The following SEMA3A variants were observed in gnomAD, a reference collection of about 807,000 sequenced individuals.
The protein encoded by SEMA3A is semaphorin 3A, also known as semaphorin-3A.
A neutral mutation model predicts 97.9 loss-of-function variants in SEMA3A; 29 were observed. That is an observed-to-expected ratio of 0.30 (90% confidence interval 0.22 to 0.40). The LOEUF (loss-of-function observed/expected upper bound fraction) is 0.40. Among genes scored for constraint, SEMA3A ranks in the 10% least tolerant of loss-of-function variants. The pLI, the probability that SEMA3A is intolerant of heterozygous loss-of-function variation, is 1.00. For missense variants in SEMA3A, 763 were observed against 951.3 expected (o/e 0.80, Z 2.60); for synonymous variants, 321 against 323.7 (o/e 0.99, Z 0.09).
chr7:84,461,261 C>G (rs564755018), intron 1 of SEMA3A, among the ~76,000 whole-genome samples: 1 of 152,150 alleles, frequency 6.6e-6, no homozygotes, highest in Non-Finnish European at 1.5e-5. Flanking sequence ...CAGTCATTTA[C>G]ATCCTTAATT....
intron 16 of SEMA3A, among the ~76,000 whole-genome samples, chr7:83,962,666 G>A (rs1788517881): frequency 6.6e-6 from 1 of 152,008 alleles, no homozygotes; most frequent in East Asian, 1.9e-4. Flanking sequence ...TACTCTTATG[G>A]AATTATAAAT....
At chr7:84,272,960 T>A (rs1800189854) in intron 3 of SEMA3A, among the ~76,000 whole-genome samples, 1 of 152,126 alleles carries the variant, frequency 6.6e-6, no homozygotes, top group Non-Finnish European at 1.5e-5. Flanking sequence ...AATATATCTA[T>A]CTTCTTTTAA....
intron 4 of SEMA3A, among the ~76,000 whole-genome samples, chr7:84,083,762 T>C (rs934252265): frequency 1.3e-5 from 2 of 152,090 alleles, no homozygotes; most frequent in Admixed American, 1.3e-4. Context: ...TATCTTAACA[T>C]TTTATATAAT....
At chr7:84,369,511 A>G (rs1370886710) in intron 2 of SEMA3A, among the ~76,000 whole-genome samples, 4 of 151,238 alleles carry the variant, frequency 2.6e-5, no homozygotes, top group Non-Finnish European at 5.9e-5. Context: ...GTACGAAAGA[A>G]GAATCTAGTC....
At chr7:84,139,720 T>A (rs1796244781) in intron 1 of SEMA3A, among the ~76,000 whole-genome samples, 1 of 152,182 alleles carries the variant, frequency 6.6e-6, no homozygotes, top group Middle Eastern at 3.4e-3. Context: ...TGTACTCTCT[T>A]GTGATGTAGT....
chr7:84,283,897 A>T (rs1182498985), intron 3 of SEMA3A, among the ~76,000 whole-genome samples: 1 of 152,118 alleles, frequency 6.6e-6, no homozygotes, highest in Admixed American at 6.6e-5. Context: ...GAATAAAATA[A>T]ATTAAATTTA....
At chr7:84,424,648 T>A (rs1252505484) in intron 1 of SEMA3A, among the ~76,000 whole-genome samples, 1 of 94,782 alleles carries the variant, frequency 1.1e-5, no homozygotes, top group African/African-American at 4.3e-5. Context: ...ATATATTATA[T>A]TTATATATTA....
chr7:84,291,681 TAGA>T (rs1800750964), intron 3 of SEMA3A, among the ~76,000 whole-genome samples: 1 of 152,128 alleles, frequency 6.6e-6, no homozygotes, highest in South Asian at 2.1e-4. Flanking sequence ...AGAAATATAA[TAGA>T]AGATGATTTT....
chr7:83,976,432 A>G (rs1303490676), intron 15 of SEMA3A, among the ~76,000 whole-genome samples: 1 of 152,112 alleles, frequency 6.6e-6, no homozygotes, highest in African/African-American at 2.4e-5. Flanking sequence ...CAGCAGAGGG[A>G]AGCATAACCT....
intron 2 of SEMA3A, among the ~76,000 whole-genome samples, chr7:84,318,588 C>T (rs1562901304): frequency 6.6e-6 from 1 of 152,090 alleles, no homozygotes; most frequent in Non-Finnish European, 1.5e-5. Flanking sequence ...TCCCAAAGTG[C>T]TGGGATTACA....
intron 2 of SEMA3A, among the ~76,000 whole-genome samples, chr7:84,355,109 A>G (rs939310772): frequency 6.6e-6 from 1 of 151,822 alleles, no homozygotes; most frequent in Non-Finnish European, 1.5e-5. Flanking sequence ...TGTTCATAAT[A>G]TGAGAGTAAA....
chr7:84,431,675 G>A (rs1297670261), intron 1 of SEMA3A, among the ~76,000 whole-genome samples: 1 of 151,464 alleles, frequency 6.6e-6, no homozygotes, highest in African/African-American at 2.4e-5. Flanking sequence ...AAAATAATTT[G>A]ATCTAAGAAT....
At chr7:84,318,532 C>T (rs1391703606) in intron 2 of SEMA3A, among the ~76,000 whole-genome samples, 2 of 151,704 alleles carry the variant, frequency 1.3e-5, no homozygotes, top group African/African-American at 2.4e-5. Context: ...CCGTTTTAGC[C>T]GGGATGGTCT....
chr7:84,155,662 T>G (rs1368521885), intron 1 of SEMA3A, among the ~76,000 whole-genome samples: 1 of 152,168 alleles, frequency 6.6e-6, no homozygotes, highest in Non-Finnish European at 1.5e-5. Context: ...AAGATTAAAG[T>G]CAAAATGTTT....
At chr7:84,233,975 T>TA (rs79996942) in intron 3 of SEMA3A, among the ~76,000 whole-genome samples, 122 of 145,654 alleles carry the variant, frequency 8.4e-4, no homozygotes, top group African/African-American at 2.2e-3. Flanking sequence ...TGCTCTATAC[T>TA]AAAAAAAAAA....
intron 3 of SEMA3A, among the ~76,000 whole-genome samples, chr7:84,253,004 G>A (rs1016531211): frequency 1.1e-4 from 16 of 151,796 alleles, no homozygotes; most frequent in Non-Finnish European, 2.1e-4. Flanking sequence ...TCAGCCTGCC[G>A]AGTAGCTGGG....
chr7:84,073,867 A>G (rs1480070743), intron 4 of SEMA3A, among the ~76,000 whole-genome samples: 15 of 144,918 alleles, frequency 1.0e-4, no homozygotes, highest in African/African-American at 3.9e-4. Flanking sequence ...AAAAGCTAAA[A>G]AAAAAAAAAA....
intron 5 of SEMA3A, among the ~76,000 whole-genome samples, chr7:84,058,491 A>G (rs1246235234): frequency 6.6e-6 from 1 of 152,216 alleles, no homozygotes; most frequent in Non-Finnish European, 1.5e-5. Flanking sequence ...AATTTATAGC[A>G]CAGTTATAAA....
intron 1 of SEMA3A, among the ~76,000 whole-genome samples, chr7:84,137,197 A>G (rs1250578239): frequency 6.6e-6 from 1 of 151,912 alleles, no homozygotes; most frequent in Non-Finnish European, 1.5e-5. Context: ...TCAGGAGTTC[A>G]AGACCAACCT....
Sources: allele counts gnomAD v4.1 joint callset (sites outside exome capture counted in the v4.1 genomes callset), GRCh38; gene constraint gnomAD v4.1.1; transcripts MANE v1.5; gene names NCBI Gene and HGNC (gene_info 2026-07-23, HGNC 2026-07-21).